Variants in BDH2 observed in about 807,000 individuals in gnomAD.
The protein encoded by BDH2 is 3-hydroxybutyrate dehydrogenase 2, also known as dehydrogenase/reductase SDR family member 6.
Under a neutral mutation model 33.2 loss-of-function variants are expected in BDH2, and 24 were observed. That is an observed-to-expected ratio of 0.72 (90% CI 0.52 to 1.02). BDH2 has a LOEUF of 1.02. BDH2 is among the 50% of genes least tolerant of loss of function. BDH2 has a pLI of 0.00. For missense variants in BDH2, 249 were observed against 301.6 expected (o/e 0.83, Z 1.29); for synonymous variants, 81 against 101.6 (o/e 0.80, Z 1.22).
intron 7 of BDH2, among the ~76,000 whole-genome samples, chr4:103,084,366 C>G (rs904370326): frequency 6.6e-6 from 1 of 152,116 alleles, no homozygotes; most frequent in Non-Finnish European, 1.5e-5. Flanking sequence ...ACAAGTCTGG[C>G]TGGAGATTTG....
At chr4:103,090,468 G>A (rs1748025422) in intron 5 of BDH2, among the ~76,000 whole-genome samples, 1 of 152,170 alleles carries the variant, frequency 6.6e-6, no homozygotes, top group South Asian at 2.1e-4. Context: ...AAGCTTCAGG[G>A]CAGAGAAAAG....
At chr4:103,091,775 C>T (rs1748110084) in intron 4 of BDH2, 3 of 455,700 alleles carry the variant, frequency 6.6e-6, no homozygotes, top group Non-Finnish European at 1.3e-5. Context: ...GAAAAAACAT[C>T]TGCCCTATTT....
intron 2 of BDH2, among the ~76,000 whole-genome samples, chr4:103,095,710 T>C (rs1748370311): frequency 6.6e-6 from 1 of 152,194 alleles, no homozygotes; most frequent in African/African-American, 2.4e-5. Flanking sequence ...TGTCAAACCA[T>C]ACCCTGCCAT....
At position 103,091,184 on chromosome 4, in the gene BDH2, AG is replaced by A. The variant is rs1360007033; in HGVS notation, c.349del (p.Leu117PhefsTer26). On this transcript the variant is annotated frameshift_variant, in exon 5 of 10. Coordinates refer to ENST00000296424, the MANE Select transcript of BDH2 (RefSeq NM_020139.4). Reference protein sequence around the residue: ...RSMYLMIKAFLPKMLAQKSGN... With the variant: ...RSMYLMIKAFXPKMLAQKSGN... ...TGGTGGTGGTGGTCTTACTTTAGGA[AG>A]GAATGCCTTGATCATCAGGTACATG... 6.2e-7 allele frequency: 1 copy of A among 1,609,560 alleles called. No homozygotes were observed. The highest frequency in any genetic ancestry group is 2.2e-5 in the East Asian group (1 of 44,860).
Position 103,092,705 on chromosome 4 carries a change from T to C in BDH2, c.152-9A>G. The C allele has an allele frequency of 6.3e-7, 1 of 1,586,650 alleles. No homozygotes were observed. The highest frequency in any genetic ancestry group is 8.7e-7 in the Non-Finnish European group (1 of 1,155,432). ...GACACGAGTTTGAATACCTGAAAAATAAAACAAGAGGCACTATTCCTAAAA... is the reference window on the plus strand; with the variant it reads ...GACACGAGTTTGAATACCTGAAAAACAAAACAAGAGGCACTATTCCTAAAA... On this transcript the variant is annotated splice_polypyrimidine_tract_variant and intron_variant, in intron 3 of 9. Transcript: ENST00000296424.
At chr4:103,093,708 T>C (rs1748223962) in intron 3 of BDH2, among the ~76,000 whole-genome samples, 1 of 147,364 alleles carries the variant, frequency 6.8e-6, no homozygotes. Context: ...ATGTATAATA[T>C]ATAATAATAT....
rs760475914 is a variant in BDH2, at chr4:103,092,640, T to C, written c.208A>G (p.Asn70Asp). The C allele has an allele frequency of 6.2e-7, 1 of 1,613,226 alleles. No homozygotes were observed. The highest frequency in any genetic ancestry group is 2.2e-5 in the East Asian group (1 of 44,830). ...TKKKQIDQFANEVERLDVLFN... is the reference protein window; with the variant it reads ...TKKKQIDQFADEVERLDVLFN... ...AGAACATCAAGTCTCTCAACTTCAT[T>C]GGCAAACTGATCAATTTGTTTCTTC... Residue 70 changes from asparagine to aspartate, a missense_variant, in exon 4 of 10, where the codon AAT (asparagine) becomes GAT (aspartate). By Grantham distance (23) the Asn-to-Asp change is conservative (BLOSUM62 1). Transcript: ENST00000296424.
chr4:103,086,163 C>A, intron 6 of BDH2: 1 of 1,127,112 alleles, frequency 8.9e-7, no homozygotes, highest in Non-Finnish European at 1.1e-6. Flanking sequence ...GAGCACATAC[C>A]GGTGCTCAAT....
At chr4:103,097,847 T>C (rs1371271096) in intron 1 of BDH2, 1 of 152,254 alleles carries the variant, frequency 6.6e-6, no homozygotes, top group African/African-American at 2.4e-5. Flanking sequence ...AATCACTCTG[T>C]TCCATTATCT....
At chr4:103,089,475 C>T (rs570537227) in intron 5 of BDH2, among the ~76,000 whole-genome samples, 2 of 152,078 alleles carry the variant, frequency 1.3e-5, no homozygotes. Flanking sequence ...TTTTTTTAAA[C>T]AAATCTGTGT....
At chr4:103,095,878 C>A (rs572094667) in intron 2 of BDH2, among the ~76,000 whole-genome samples, 1 of 152,194 alleles carries the variant, frequency 6.6e-6, no homozygotes, top group East Asian at 1.9e-4. Flanking sequence ...GCTGTGTAAC[C>A]CTGTTTGCCC....
At chr4:103,090,533 G>A (rs143279116) in intron 5 of BDH2, among the ~76,000 whole-genome samples, 92 of 152,276 alleles carry the variant, frequency 6.0e-4, no homozygotes, top group African/African-American at 2.0e-3. Flanking sequence ...TCACGAAGGG[G>A]CTCAACGTCC....
intron 1 of BDH2, among the ~76,000 whole-genome samples, chr4:103,096,860 T>C (rs535618783): frequency 6.6e-6 from 1 of 152,260 alleles, no homozygotes; most frequent in East Asian, 1.9e-4. Context: ...CACTTTAACC[T>C]ACCTTATCCT....
At chr4:103,086,450 A>T (rs769282687) in intron 6 of BDH2, 30 bp downstream of exon 6, 4 of 1,608,104 alleles carry the variant, frequency 2.5e-6, no homozygotes, top group Non-Finnish European at 3.4e-6. Flanking sequence ...GTGTATGAGC[A>T]TCGCAGTCCT....
At chr4:103,080,066 A>G (rs1392533744) in intron 9 of BDH2, among the ~76,000 whole-genome samples, 2 of 152,238 alleles carry the variant, frequency 1.3e-5, no homozygotes, top group Non-Finnish European at 2.9e-5. Flanking sequence ...GATATAGGCT[A>G]AAAGCACATT....
rs372169767 is a variant in BDH2 at position 103,079,640 on chromosome 4, G to A, written c.*62C>T. On this transcript the variant is annotated 3_prime_UTR_variant, in exon 10 of 10. Coordinates refer to ENST00000296424, the MANE Select transcript of BDH2 (RefSeq NM_020139.4). The stretch of plus-strand genomic sequence containing the variant: ...AGGAGATGATTGGTGAGTTTTCTTC[G>A]TAACCAGGTTCACTGTGGATAGGAA... The A allele has an allele frequency of 1.8e-4, 277 of 1,517,502 alleles. 2 individuals carry two copies. The African/African-American group carries it at 2.9e-3, about 16-fold the overall frequency. 94.0% of individuals were successfully genotyped at this position (1,517,502 alleles called of 1,614,324 possible). A position where few individuals can be genotyped will look rare whatever the true frequency, so the allele number is the denominator to read the frequency against.
intron 5 of BDH2, among the ~76,000 whole-genome samples, chr4:103,090,026 TATC>T (rs1748002082): frequency 1.3e-5 from 2 of 152,190 alleles, no homozygotes; most frequent in South Asian, 4.1e-4. Flanking sequence ...CAGAGTAGAA[TATC>T]AGCCCTGCTG....
intron 6 of BDH2, chr4:103,085,791 A>G: frequency 7.6e-7 from 1 of 1,310,172 alleles, no homozygotes; most frequent in Non-Finnish European, 1.0e-6. Flanking sequence ...AAACAAAACA[A>G]TAAAACAGGA....
rs919009846 is a variant in BDH2 at position 103,090,198 on chromosome 4, C to A, written c.357+979G>T. ...CAGTCAACCCCTTTCATTGTCTCAG[C>A]CTGCACTGTCTGCTACTACTGGTTT... On this transcript the variant is annotated intron_variant, in intron 5 of 9. Coordinates refer to ENST00000296424, the MANE Select transcript of BDH2 (RefSeq NM_020139.4). Among the ~76,000 whole-genome samples the A allele has an allele frequency of 5.9e-5, 9 of 152,322 alleles. No individual in the cohort carries two copies. The East Asian group carries it at 1.7e-3, about 29-fold the overall frequency.
Sources: gnomAD v4.1 joint callset for allele counts (sites outside exome capture counted in the v4.1 genomes callset) on GRCh38, gnomAD v4.1.1 for gene constraint, MANE v1.5 for transcripts, NCBI Gene and HGNC (gene_info 2026-07-23, HGNC 2026-07-21) for gene names.